The following EIF2AK3 variants were observed in gnomAD, a reference collection of about 807,000 sequenced individuals.
The protein encoded by EIF2AK3 is eukaryotic translation initiation factor 2 alpha kinase 3.
In EIF2AK3, 50 loss-of-function variants were observed where a neutral mutation model predicts 113.5. The ratio of observed to expected loss-of-function variants is 0.44; its 90% CI spans 0.35 to 0.56. The LOEUF is 0.56. EIF2AK3 is among the 20% of genes least tolerant of loss of function. EIF2AK3 has a pLI of 0.00. For synonymous variants in EIF2AK3, 448 were observed against 495.4 expected (o/e 0.90, Z 1.27); for missense variants, 1,185 against 1,378.0 (o/e 0.86, Z 2.22).
At chr2:88,561,236 G>A (rs1449036341) in intron 15 of EIF2AK3, among the ~76,000 whole-genome samples, 3 of 150,260 alleles carry the variant, frequency 2.0e-5, no homozygotes, top group South Asian at 4.2e-4. Flanking sequence ...TTAGAGGTGT[G>A]AGCCACCATG....
chr2:88,579,444 A>G, intron 11 of EIF2AK3, 74 bp downstream of exon 11: 1 of 1,582,152 alleles, frequency 6.3e-7, no homozygotes, highest in Non-Finnish European at 8.7e-7. Context: ...AGAGTACAGT[A>G]AGAAGGATAT....
intron 14 of EIF2AK3, among the ~76,000 whole-genome samples, chr2:88,566,520 C>A (rs896543172): frequency 2.7e-5 from 4 of 146,858 alleles, no homozygotes. Flanking sequence ...TTTAAAAACT[C>A]TTTTTTTTTT....
Position 88,576,675 on chromosome 2 carries a change from C to T in EIF2AK3, c.1915G>A (p.Glu639Lys), listed in dbSNP as rs180939276. 1 of 1,614,028 alleles carries T rather than the reference C, an allele frequency of 6.2e-7. No homozygotes were observed. The highest frequency in any genetic ancestry group is 1.7e-5 in the Admixed American group (1 of 60,010). ...TCAAGCTTGGCTAAGGCTTTAACTT[C>T]TCGCATTACCTTTTCCCGAGCCAAT... ...RELAREKVMR[E>K]VKALAKLEHP... Residue 639 changes from glutamate to lysine, a missense_variant, in exon 12 of 17, where the codon GAA becomes AAA. Around this residue, in one of 3 missense-constraint regions of EIF2AK3, gnomAD observed 877 missense variants for 1,024.2 expected, o/e 0.86. Coordinates refer to ENST00000303236, the MANE Select transcript of EIF2AK3 (RefSeq NM_004836.7).
intron 9 of EIF2AK3, 114 bp downstream of exon 9, chr2:88,585,727 T>C (rs1053872752): frequency 3.1e-6 from 3 of 960,750 alleles, no homozygotes; most frequent in East Asian, 5.1e-5. Flanking sequence ...CTGAGAACTT[T>C]GGCAAGAGTA....
chr2:88,587,248 T>G (rs1480737892), intron 8 of EIF2AK3, among the ~76,000 whole-genome samples: 1 of 151,284 alleles, frequency 6.6e-6, no homozygotes, highest in Non-Finnish European at 1.5e-5. Context: ...AGGCTGCTGT[T>G]TCTAGTTCAG....
intron 2 of EIF2AK3, among the ~76,000 whole-genome samples, chr2:88,608,642 A>T (rs1051164585): frequency 1.3e-5 from 2 of 151,236 alleles, no homozygotes; most frequent in Non-Finnish European, 2.9e-5. Flanking sequence ...ATGCATTTTG[A>T]AGGTAGTATT....
At chr2:88,599,479 C>T (rs1468699606) in intron 2 of EIF2AK3, among the ~76,000 whole-genome samples, 1 of 151,660 alleles carries the variant, frequency 6.6e-6, no homozygotes, top group Non-Finnish European at 1.5e-5. Context: ...CCGATATGAT[C>T]TTCTATTTTG....
rs757943925 is a variant in EIF2AK3 at position 88,588,836 on chromosome 2, G to T, written c.1231C>A (p.Pro411Thr). Residue 411 changes from proline to threonine, a missense_variant, in exon 7 of 17, where the codon CCC (proline) becomes ACC (threonine). Around this residue, in one of 3 missense-constraint regions of EIF2AK3, gnomAD observed 877 missense variants for 1,024.2 expected, o/e 0.86. Transcript: ENST00000303236. Reference protein sequence around the residue: ...VRISEKFPSSPKALESVTNEN... With the variant: ...VRISEKFPSSTKALESVTNEN... Reference sequence around the variant, plus strand: ...TTAGTGACAGATTCCAAAGCCTTGGGACTTGAAGGAAACTTTTCTGAAATT... The same window carrying T: ...TTAGTGACAGATTCCAAAGCCTTGGTACTTGAAGGAAACTTTTCTGAAATT... 6 of 1,613,832 alleles carry T rather than the reference G, an allele frequency of 3.7e-6. No individual in the cohort carries two copies. Among genetic ancestry groups the T allele is most frequent in the Middle Eastern group, 3.3e-4 (2 of 6,058 alleles).
At chr2:88,625,932 C>A (rs1675846670) in intron 1 of EIF2AK3, among the ~76,000 whole-genome samples, 1 of 151,928 alleles carries the variant, frequency 6.6e-6, no homozygotes, top group Admixed American at 6.6e-5. Context: ...ATATATAGAT[C>A]AAAGTTCTAA....
chr2:88,609,267 G>A (rs921713402), intron 2 of EIF2AK3, among the ~76,000 whole-genome samples: 4 of 152,098 alleles, frequency 2.6e-5, no homozygotes, highest in East Asian at 1.9e-4. Context: ...AGTATGGTTC[G>A]TGGATTCTTT....
At position 88,587,852 on chromosome 2, in the gene EIF2AK3, TTAG is replaced by T. The variant is rs1484895984; in HGVS notation, c.1429+127_1429+129del. ...CAACCTAACTTTGGAGCTTGTATGC[TTAG>T]TAATCATTCATGAAATTGTCTCCCA... is the stretch of plus-strand genomic sequence containing the variant. On this transcript the variant is annotated intron_variant, in intron 8 of 16. Transcript: ENST00000303236. The T allele has an allele frequency of 8.2e-5, 53 of 643,838 alleles. No individual in the cohort carries two copies. In the African/African-American group the frequency reaches 9.6e-4, roughly 12 times the overall value. The allele number at this position is 643,838 out of a possible 1,614,324, so 39.9% of individuals were successfully genotyped here. A position where few individuals can be genotyped will look rare whatever the true frequency, so the allele number is the denominator to read the frequency against.
chr2:88,562,458 T>C, intron 14 of EIF2AK3, 68 bp from the exon 15 acceptor site: 3 of 1,301,058 alleles, frequency 2.3e-6, no homozygotes, highest in South Asian at 2.4e-5. Context: ...TACAGCATTA[T>C]TGAATCCCAA....
chr2:88,627,159 G>T lies in EIF2AK3; in HGVS notation c.116C>A (p.Pro39Gln). The T allele has an allele frequency of 7.0e-7, 1 of 1,419,186 alleles. No homozygotes were observed. The highest frequency in any genetic ancestry group is 9.1e-7 in the Non-Finnish European group (1 of 1,094,738). The allele number at this position is 1,419,186 out of a possible 1,614,324, so 87.9% of individuals were successfully genotyped here. The change falls in exon 1 of 17, where the codon CCG becomes CAG. Residue 39 changes from proline (P) to glutamine (Q), a missense_variant. Around this residue, in one of 3 missense-constraint regions of EIF2AK3, gnomAD observed 189 missense variants for 175.2 expected, o/e 1.08. Coordinates refer to ENST00000303236, the MANE Select transcript of EIF2AK3 (RefSeq NM_004836.7). ...GAGGCCGAACGCCGCCTCCGCCGTC[G>T]GCGCTGGGAGGCCACGGGCGCGCCC... is the stretch of plus-strand genomic sequence containing the variant. The part of the protein sequence containing the change: ...AAGRARGLPA[P>Q]TAEAAFGLGA...
intron 2 of EIF2AK3, among the ~76,000 whole-genome samples, chr2:88,605,169 G>A (rs1471628922): frequency 6.6e-6 from 1 of 152,098 alleles, no homozygotes; most frequent in Non-Finnish European, 1.5e-5. Flanking sequence ...GTGTTTATGT[G>A]TATATATACA....
At chr2:88,619,396 A>G (rs1157437313) in intron 1 of EIF2AK3, among the ~76,000 whole-genome samples, 1 of 152,184 alleles carries the variant, frequency 6.6e-6, no homozygotes, top group Non-Finnish European at 1.5e-5. Flanking sequence ...CTCCATCTAT[A>G]GTATGACAGC....
rs11680549 is a variant in EIF2AK3, at chr2:88,626,830, G to C, written c.308+137C>G. ...GGGAGGGCGTCGTGGCCCCGCGCTC[G>C]TCCCCAGGTCGCCAGCTGCCCTCCG... On this transcript the variant is annotated intron_variant, in intron 1 of 16. Transcript: ENST00000303236. 0.28 allele frequency: 334,343 copies of C among 1,202,234 alleles called. 49,748 individuals are homozygous for C. The highest frequency in any genetic ancestry group is 0.45 in the East Asian group (15,485 of 34,606). 74.5% of individuals were successfully genotyped at this position (1,202,234 alleles called of 1,614,324 possible).
intron 2 of EIF2AK3, among the ~76,000 whole-genome samples, chr2:88,607,185 CCA>C (rs1454644218): frequency 1.3e-5 from 2 of 151,926 alleles, no homozygotes; most frequent in Non-Finnish European, 2.9e-5. Context: ...CAAATGTAGC[CCA>C]GAGATCCTAA....
chr2:88,598,692 TGTACTA>T (rs1160502681), intron 2 of EIF2AK3, among the ~76,000 whole-genome samples: 2 of 152,152 alleles, frequency 1.3e-5, no homozygotes, highest in Admixed American at 1.3e-4. Context: ...GACTAGATGC[TGTACTA>T]GGCATAGAGG....
chr2:88,582,223 T>A (rs1358673376), intron 10 of EIF2AK3, among the ~76,000 whole-genome samples: 1 of 152,188 alleles, frequency 6.6e-6, no homozygotes, highest in Non-Finnish European at 1.5e-5. Context: ...GCTGGCTGGA[T>A]GACTAATCCT....
Sources: gnomAD v4.1 joint callset for allele counts (sites outside exome capture counted in the v4.1 genomes callset) on GRCh38, gnomAD v4.1.1 for gene constraint, gnomAD v4.1.1 regional missense constraint, MANE v1.5 for transcripts, NCBI Gene and HGNC (gene_info 2026-07-23, HGNC 2026-07-21) for gene names.